Variants in C4orf51 observed in about 807,000 individuals in gnomAD.
C4orf51 encodes the protein uncharacterized protein C4orf51.
In C4orf51, 25 loss-of-function variants were observed where a neutral mutation model predicts 25.2. The ratio of observed to expected loss-of-function variants is 0.99; its 90% CI spans 0.72 to 1.39. C4orf51 has a LOEUF of 1.39. Ranked by LOEUF, C4orf51 falls within the 40% of genes most tolerant of loss-of-function variation. The probability of loss-of-function intolerance (pLI) is 0.00; values close to 1 mark genes in which losing one functional copy is unlikely to be tolerated. For missense variants in C4orf51, 252 were observed against 239.6 expected (o/e 1.05, Z -0.34); for synonymous variants, 100 against 84.5 (o/e 1.18, Z -1.01).
At chr4:145,747,983 G>A (rs1733460919) in intron 1 of C4orf51, among the ~76,000 whole-genome samples, 2 of 152,098 alleles carry the variant, frequency 1.3e-5, no homozygotes, top group Admixed American at 6.6e-5. Flanking sequence ...ATTCAGCAGT[G>A]AAGCCATCAT....
downstream of C4orf51, among the ~76,000 whole-genome samples, chr4:145,757,385 C>T (rs973950205): frequency 6.6e-6 from 1 of 152,204 alleles, no homozygotes; most frequent in Non-Finnish European, 1.5e-5. Context: ...TGGCCTGCCA[C>T]TGTCCTGAAT....
intron 2 of C4orf51, among the ~76,000 whole-genome samples, chr4:145,707,130 G>A (rs1006591543): frequency 7.9e-5 from 12 of 151,884 alleles, no homozygotes; most frequent in African/African-American, 2.7e-4. Context: ...TAGTAGAGAC[G>A]GAGTTTCACT....
intron 1 of C4orf51, among the ~76,000 whole-genome samples, chr4:145,750,412 G>GTTTTT (rs55700691): frequency 9.2e-6 from 1 of 108,134 alleles, no homozygotes; most frequent in African/African-American, 3.6e-5. Context: ...TAGGGTAAAA[G>GTTTTT]TTTTTTTTTT....
chr4:145,729,782 A>C, intron 4 of C4orf51, 110 bp from the exon 5 acceptor site: 1 of 829,840 alleles, frequency 1.2e-6, no homozygotes, highest in African/African-American at 1.7e-5. Flanking sequence ...GTGTATGTGA[A>C]GGTTTGGATC....
intron 2 of C4orf51, among the ~76,000 whole-genome samples, chr4:145,709,678 C>T (rs1031931944): frequency 1.3e-5 from 2 of 152,224 alleles, no homozygotes; most frequent in African/African-American, 4.8e-5. Flanking sequence ...GAATAGGCAG[C>T]ATCAGTTTTT....
chr4:145,768,494 C>A (rs891854235), intron 1 of C4orf51, among the ~76,000 whole-genome samples: 16 of 152,112 alleles, frequency 1.1e-4, no homozygotes, highest in Non-Finnish European at 2.1e-4. Flanking sequence ...CCCCAAGTAA[C>A]TGGAGAGCTA....
At chr4:145,722,320 G>A (rs1731784672) in intron 2 of C4orf51, among the ~76,000 whole-genome samples, 1 of 152,084 alleles carries the variant, frequency 6.6e-6, no homozygotes, top group Non-Finnish European at 1.5e-5. Flanking sequence ...AATGTTGAGA[G>A]TAAAATTAAA....
chr4:145,696,569 A>C lies in C4orf51; in HGVS notation c.244A>C (p.Thr82Pro). 1 of 1,613,546 alleles carries C rather than the reference A, an allele frequency of 6.2e-7. No homozygotes were observed. The change falls in exon 2 of 6, where the codon ACA becomes CCA. Residue 82 changes from threonine (T) to proline (P), a missense_variant. By Grantham distance (38) the Thr-to-Pro change is conservative. Coordinates refer to ENST00000438731, the MANE Select transcript of C4orf51 (RefSeq NM_001080531.3). Reference protein sequence around the residue: ...HEPECKQMSLTNSSACHLLCW... With the variant: ...HEPECKQMSLPNSSACHLLCW... ...ACTTGCTTTCCTTAGGATGTCATTG[A>C]CAAACAGTTCTGCCTGTCATCTTCT...
downstream of C4orf51, chr4:145,774,695 AG>A (rs1736781632): frequency 6.2e-7 from 1 of 1,605,026 alleles, no homozygotes; most frequent in Admixed American, 1.7e-5. Flanking sequence ...GTAAAAGAAA[AG>A]AGGGGGAGAG....
At chr4:145,739,945 G>C (rs1025683046) in intron 1 of C4orf51, among the ~76,000 whole-genome samples, 2 of 152,104 alleles carry the variant, frequency 1.3e-5, no homozygotes, top group Non-Finnish European at 2.9e-5. Context: ...AGAGGAGGGA[G>C]ATCTGGGAAA....
rs948368050 is a variant in C4orf51, at chr4:145,768,740, C to T, written n.167-2248C>T. On this transcript the variant is annotated intron_variant and non_coding_transcript_variant, in intron 1 of 1. Transcript: ENST00000510096. ...AGGTGTGGTGGCATATGCCTGTAAT[C>T]CCAGCTACTTGGGAGGGTGAGGCAG... 2.0e-5 allele frequency among the ~76,000 whole-genome samples: 3 copies of T among 148,170 alleles called. No individual in the cohort carries two copies. In the South Asian group the frequency reaches 6.6e-4, roughly 32 times the overall value.
downstream of C4orf51, among the ~76,000 whole-genome samples, chr4:145,755,615 C>T (rs1219493907): frequency 6.6e-6 from 1 of 151,950 alleles, no homozygotes; most frequent in Non-Finnish European, 1.5e-5. Flanking sequence ...AAGAAGAGGC[C>T]TTGATTAAGA....
At chr4:145,791,268 G>A in the C4orf51 span, among the ~76,000 whole-genome samples, 1 of 152,220 alleles carries the variant, frequency 6.6e-6, no homozygotes, top group Non-Finnish European at 1.5e-5. Flanking sequence ...CATGGCAGAA[G>A]AGGCAAGGGG....
At chr4:145,702,949 G>A (rs1730552611) in intron 2 of C4orf51, among the ~76,000 whole-genome samples, 1 of 151,248 alleles carries the variant, frequency 6.6e-6, no homozygotes, top group African/African-American at 2.4e-5. Context: ...GCAGCCCTGA[G>A]AAACATCGCC....
chr4:145,695,539 C>T (rs1729995061), intron 1 of C4orf51, among the ~76,000 whole-genome samples: 2 of 152,116 alleles, frequency 1.3e-5, no homozygotes, highest in Non-Finnish European at 2.9e-5. Context: ...TGTCTGTTTA[C>T]TCTGTTGGTT....
At chr4:145,753,140 TTGTGTGTGTGTGTG>T (rs57325282) in intron 1 of C4orf51, among the ~76,000 whole-genome samples, 4 of 145,752 alleles carry the variant, frequency 2.7e-5, no homozygotes, top group Admixed American at 1.4e-4. Context: ...TATGAAGGTT[TTGTGTGTGTGTGTG>T]TGTGTGTGTG....
Position 145,726,926 on chromosome 4 carries a change from T to C in C4orf51, c.323T>C (p.Ile108Thr). The change falls in exon 3 of 6, where the codon ATA becomes ACA. Residue 108 changes from isoleucine to threonine, a missense_variant. Ile to Thr is a moderately conservative substitution (Grantham distance 89, BLOSUM62 -1). Coordinates refer to ENST00000438731, the MANE Select transcript of C4orf51 (RefSeq NM_001080531.3). ...GTGCATGCAGGACTATTCCCTGATA[T>C]AACCAGGCCCTTTAAAAAGTCATTT... ...TTDIKGLFPD[I>T]TRPFKKSFDV... 6.2e-7 allele frequency: 1 copy of C among 1,613,456 alleles called. No individual in the cohort carries two copies. Among genetic ancestry groups the C allele is most frequent in the Non-Finnish European group, 8.5e-7 (1 of 1,179,452 alleles).
chr4:145,682,987 G>A (rs1013031855), intron 1 of C4orf51, among the ~76,000 whole-genome samples: 43 of 151,610 alleles, frequency 2.8e-4, no homozygotes, highest in Non-Finnish European at 5.0e-4. Context: ...TAGAAAATCT[G>A]AAAGAATCAG....
At chr4:145,725,376 G>A (rs1244205414) in intron 2 of C4orf51, among the ~76,000 whole-genome samples, 1 of 152,086 alleles carries the variant, frequency 6.6e-6, no homozygotes, top group Admixed American at 6.5e-5. Flanking sequence ...AAACATCTTG[G>A]CAGTTTCTTT....
Sources: allele counts gnomAD v4.1 joint callset (sites outside exome capture counted in the v4.1 genomes callset), GRCh38; gene constraint gnomAD v4.1.1; transcripts MANE v1.5; gene names NCBI Gene and HGNC (gene_info 2026-07-23, HGNC 2026-07-21).